ATRNL1: variants seen among roughly 807,000 people sequenced by gnomAD.
ATRNL1 encodes the protein attractin-like protein 1.
ATRNL1 carries 95 observed loss-of-function variants against 182.7 expected under a neutral mutation model. The ratio of observed to expected loss-of-function variants is 0.52; its 90% CI spans 0.44 to 0.62. ATRNL1 has a LOEUF of 0.62. Ranked by LOEUF, ATRNL1 falls within the 20% of genes least tolerant of loss-of-function variation. ATRNL1 has a pLI of 0.00. For missense variants in ATRNL1, 1,471 were observed against 1,679.5 expected (o/e 0.88, Z 2.17); for synonymous variants, 576 against 568.3 (o/e 1.01, Z -0.19).
chr10:115,753,806 T>G (rs1446947194), intron 27 of ATRNL1, among the ~76,000 whole-genome samples: 1 of 152,192 alleles, frequency 6.6e-6, no homozygotes, highest in East Asian at 1.9e-4. Flanking sequence ...TGTAAAAGCT[T>G]TCCTATTTCT....
intron 10 of ATRNL1, among the ~76,000 whole-genome samples, chr10:115,250,272 A>T (rs1357432420): frequency 1.3e-5 from 2 of 152,238 alleles, no homozygotes; most frequent in Non-Finnish European, 2.9e-5. Context: ...ACCCATGGTC[A>T]AGCATTCTAT....
chr10:115,775,477 C>A (rs569849565), intron 27 of ATRNL1, among the ~76,000 whole-genome samples: 2 of 152,118 alleles, frequency 1.3e-5, no homozygotes, highest in South Asian at 4.2e-4. Context: ...AGATTTAAAC[C>A]TTCCAGTTAT....
chr10:115,505,659 C>A (rs891066302), intron 24 of ATRNL1, among the ~76,000 whole-genome samples: 2 of 151,288 alleles, frequency 1.3e-5, no homozygotes, highest in Admixed American at 1.3e-4. Flanking sequence ...ATGGAGAAAA[C>A]AGAATTCAGT....
At chr10:115,097,933 C>G (rs1188674138) in intron 1 of ATRNL1, among the ~76,000 whole-genome samples, 1 of 151,966 alleles carries the variant, frequency 6.6e-6, no homozygotes, top group Non-Finnish European at 1.5e-5. Context: ...CAAAACAAAA[C>G]AAAAATAAAC....
chr10:115,218,882 G>C (rs1849332713), intron 9 of ATRNL1, among the ~76,000 whole-genome samples: 1 of 152,192 alleles, frequency 6.6e-6, no homozygotes, highest in Non-Finnish European at 1.5e-5. Flanking sequence ...AGTAGCCCTT[G>C]TAAGTTGAAA....
At chr10:115,417,507 G>A (rs1845449304) in intron 20 of ATRNL1, among the ~76,000 whole-genome samples, 1 of 152,166 alleles carries the variant, frequency 6.6e-6, no homozygotes, top group African/African-American at 2.4e-5. Flanking sequence ...CTGTAGTCAG[G>A]TAACTATCAT....
chr10:115,539,248 C>T (rs1852214483), intron 25 of ATRNL1, among the ~76,000 whole-genome samples: 1 of 138,156 alleles, frequency 7.2e-6, no homozygotes, highest in South Asian at 2.4e-4. Context: ...CCTGTTGTTA[C>T]ACCATGATTT....
intron 20 of ATRNL1, among the ~76,000 whole-genome samples, chr10:115,425,164 C>G (rs901495443): frequency 6.6e-6 from 1 of 151,780 alleles, no homozygotes; most frequent in Non-Finnish European, 1.5e-5. Flanking sequence ...GATTATTTAG[C>G]CTCTAATTTT....
rs371453820 is a variant in ATRNL1 at position 115,810,613 on chromosome 10, G to A, written c.3904-37264G>A. ...AAAAAAGAATACTTGTTAATTCTTG[G>A]AAGTAAAACCACAAGTGTTTATACA... On this transcript the variant is annotated intron_variant, in intron 27 of 28. Transcript: ENST00000355044. Among the ~76,000 whole-genome samples the A allele has an allele frequency of 5.0e-4, 76 of 151,914 alleles. No individual in the cohort carries two copies. The South Asian group carries it at 6.0e-3, about 12-fold the overall frequency.
At chr10:115,404,769 T>G (rs1844738690) in intron 20 of ATRNL1, among the ~76,000 whole-genome samples, 1 of 152,018 alleles carries the variant, frequency 6.6e-6, no homozygotes, top group African/African-American at 2.4e-5. Flanking sequence ...GTTTAATTTG[T>G]TCTTTAATCC....
chr10:115,394,591 A>C, intron 19 of ATRNL1, 68 bp from the exon 20 acceptor site: 1 of 1,200,750 alleles, frequency 8.3e-7, no homozygotes, highest in Non-Finnish European at 1.2e-6. Flanking sequence ...TAATAATAAT[A>C]CTTGAAATGT....
intron 21 of ATRNL1, among the ~76,000 whole-genome samples, chr10:115,447,769 T>A (rs141519208): frequency 1.1e-3 from 165 of 152,028 alleles, no homozygotes; most frequent in African/African-American, 3.9e-3. Flanking sequence ...AACTGGAAGT[T>A]CTTTGAGATA....
At chr10:115,704,711 G>A (rs918279578) in intron 26 of ATRNL1, among the ~76,000 whole-genome samples, 7 of 151,684 alleles carry the variant, frequency 4.6e-5, no homozygotes, top group Admixed American at 2.0e-4. Flanking sequence ...TGGGGTATAC[G>A]GTCTTGCCTA....
chr10:115,326,106 A>G (rs907561245), intron 18 of ATRNL1, among the ~76,000 whole-genome samples: 27 of 152,310 alleles, frequency 1.8e-4, no homozygotes, highest in African/African-American at 5.3e-4. Context: ...GGAGAAGGAA[A>G]TAAACGGTGT....
At chr10:115,632,956 G>A (rs559235821) in intron 26 of ATRNL1, among the ~76,000 whole-genome samples, 1 of 147,256 alleles carries the variant, frequency 6.8e-6, no homozygotes, top group East Asian at 2.1e-4. Flanking sequence ...GCAGTGGTGC[G>A]ATCCTAGCTC....
chr10:115,269,449 C>T (rs777289426), intron 13 of ATRNL1, among the ~76,000 whole-genome samples: 14 of 152,114 alleles, frequency 9.2e-5, no homozygotes, highest in Non-Finnish European at 1.9e-4. Flanking sequence ...ATTCTTCTGC[C>T]TCAGCCTCCT....
chr10:115,930,406 T>A (rs369612387), intron 28 of ATRNL1, among the ~76,000 whole-genome samples: 1 of 152,236 alleles, frequency 6.6e-6, no homozygotes, highest in East Asian at 1.9e-4. Context: ...GAACTAGCCA[T>A]ACACAAGCTT....
chr10:115,330,663 T>G (rs1221917455), intron 18 of ATRNL1, among the ~76,000 whole-genome samples: 1 of 148,204 alleles, frequency 6.7e-6, no homozygotes, highest in Admixed American at 7.0e-5. Context: ...TTCCTTTATG[T>G]GTTATTTGCT....
chr10:115,672,470 G>A (rs1275170934), intron 26 of ATRNL1, among the ~76,000 whole-genome samples: 5 of 152,098 alleles, frequency 3.3e-5, no homozygotes, highest in South Asian at 2.1e-4. Flanking sequence ...AAATTATAGC[G>A]TTTTAGAACA....
Sources: gnomAD v4.1 joint callset for allele counts (sites outside exome capture counted in the v4.1 genomes callset) on GRCh38, gnomAD v4.1.1 for gene constraint, MANE v1.5 for transcripts, NCBI Gene and HGNC (gene_info 2026-07-23, HGNC 2026-07-21) for gene names.